The following PLAC9 variants were observed in gnomAD, a reference collection of about 807,000 sequenced individuals.
PLAC9 encodes placenta associated 9.
Under a neutral mutation model 11.5 loss-of-function variants are expected in PLAC9, and 12 were observed. The ratio of observed to expected loss-of-function variants is 1.05; its 90% confidence interval spans 0.67 to 1.69. The LOEUF is 1.69. PLAC9 is among the 40% of genes most tolerant of loss of function. PLAC9 has a pLI of 0.00. For synonymous variants in PLAC9, 62 were observed against 58.1 expected (o/e 1.07, Z -0.31); for missense variants, 132 against 130.5 (o/e 1.01, Z -0.06).
chr10:80,144,805 G>A (rs1845082900), intron 3 of PLAC9, 95 bp from the exon 4 acceptor site: 1 of 1,291,834 alleles, frequency 7.7e-7, no homozygotes, highest in Non-Finnish European at 1.0e-6. Context: ...GTTCCTGGGG[G>A]CCGGGGAGGG....
intron 1 of PLAC9, among the ~76,000 whole-genome samples, chr10:80,137,304 G>C (rs1844990293): frequency 6.6e-6 from 1 of 152,198 alleles, no homozygotes; most frequent in Admixed American, 6.5e-5. Flanking sequence ...GGCCAGTGGA[G>C]GGGAGCAGGC....
chr10:80,143,389 A>ATTTTTTT lies in PLAC9; in HGVS notation c.163-814_163-808dup, dbSNP rs560963413. On this transcript the variant is annotated intron_variant, in intron 2 of 3. Coordinates refer to ENST00000372263, the MANE Select transcript of PLAC9 (RefSeq NM_001012973.3). ...AAAAAGTTTAATTTTAAATACTTGA[A>ATTTTTTT]TTTTTTTTTTTTTTTTTTTTTTTTT... Among the ~76,000 whole-genome samples the ATTTTTTT allele has an allele frequency of 7.7e-3, 691 of 89,922 alleles. 93 individuals are homozygous for ATTTTTTT. The highest frequency in any genetic ancestry group is 0.033 in the African/African-American group (660 of 19,950). The allele number at this position is 89,922 out of a possible 152,430, so 59.0% of individuals were successfully genotyped here. A position where few individuals can be genotyped will look rare whatever the true frequency, so the allele number is the denominator to read the frequency against.
At position 80,144,219 on chromosome 10, in the gene PLAC9, CTAGATGG is replaced by C; in HGVS notation, c.164_170del (p.Met55ArgfsTer11). On this transcript the variant is annotated splice_acceptor_variant and splice_polypyrimidine_tract_variant and coding_sequence_variant and intron_variant, in exon 3 of 4. Transcript: ENST00000372263. LOFTEE classifies it high-confidence loss of function. ...CCTCGACTTTACCCCACTTCCCACT[CTAGATGG>C]TAGAGAAGACCGTGGATCACCTGGG... The C allele has an allele frequency of 1.1e-5, 18 of 1,614,064 alleles. No homozygotes were observed. Among genetic ancestry groups the C allele is most frequent in the Admixed American group, 1.7e-5 (1 of 60,002 alleles).
In PLAC9 at chr10:80,144,332, A is replaced by T. The variant is rs777510610; in HGVS notation, c.272A>T (p.Asp91Val). 7.5e-6 allele frequency: 12 copies of T among 1,603,568 alleles called. No homozygotes were observed. Among genetic ancestry groups the T allele is most frequent in the Non-Finnish European group, 1.0e-5 (12 of 1,178,192 alleles). ...CCGGGACCCTTCAGCCCCGCTCCCG[A>T]CCTTCTCGGAGGTGAGCAGTGCAGG... is the stretch of plus-strand genomic sequence containing the variant. ...LPPGPFSPAP[D>V]LLGDGF The change falls in exon 3 of 4, where the codon GAC becomes GTC. Residue 91 changes from aspartate (D) to valine (V), a missense_variant. Physicochemically the swap from Asp to Val is radical, Grantham distance 152. Coordinates refer to ENST00000372263, the MANE Select transcript of PLAC9 (RefSeq NM_001012973.3).
chr10:80,135,172 AC>A (rs1284289621), intron 1 of PLAC9, among the ~76,000 whole-genome samples: 1 of 151,804 alleles, frequency 6.6e-6, no homozygotes, highest in African/African-American at 2.4e-5. Flanking sequence ...GACGGCTGCA[AC>A]CATGCCCGGC....
At chr10:80,136,164 G>A (rs1458926441) in intron 1 of PLAC9, among the ~76,000 whole-genome samples, 2 of 152,210 alleles carry the variant, frequency 1.3e-5, no homozygotes, top group African/African-American at 4.8e-5. Context: ...GCCCTCCTCT[G>A]GGGCCTCCGG....
At chr10:80,135,090 G>T (rs1250534142) in intron 1 of PLAC9, among the ~76,000 whole-genome samples, 7 of 151,948 alleles carry the variant, frequency 4.6e-5, no homozygotes, top group African/African-American at 1.4e-4. Flanking sequence ...TGCGATCTCC[G>T]CTCACTGCAA....
In PLAC9 at chr10:80,132,782, C is replaced by A; in HGVS notation, c.20C>A (p.Ala7Glu). 6.7e-7 allele frequency: 1 copy of A among 1,496,964 alleles called. No homozygotes were observed. The highest frequency in any genetic ancestry group is 8.8e-7 in the Non-Finnish European group (1 of 1,130,978). 92.7% of individuals were successfully genotyped at this position (1,496,964 alleles called of 1,614,324 possible). A position where few individuals can be genotyped will look rare whatever the true frequency, so the allele number is the denominator to read the frequency against. Residue 7 changes from alanine (A) to glutamate (E), a missense_variant, in exon 1 of 4, where the codon GCG becomes GAG. Physicochemically the swap from Ala to Glu is moderately radical, Grantham distance 107. Coordinates refer to ENST00000372263, the MANE Select transcript of PLAC9 (RefSeq NM_001012973.3). ...GGCACCATGCGGCCCCTGCTCTGCG[C>A]GCTGACCGGACTGGCCCTGCTCCGC... is the stretch of plus-strand genomic sequence containing the variant. MRPLLC[A>E]LTGLALLRAA...
At chr10:80,136,910 C>T (rs1047446420) in intron 1 of PLAC9, among the ~76,000 whole-genome samples, 3 of 152,254 alleles carry the variant, frequency 2.0e-5, no homozygotes, top group Middle Eastern at 3.4e-3. Context: ...CCTACCCTAC[C>T]CCATTTTATG....
intron 1 of PLAC9, 93 bp downstream of exon 1, chr10:80,132,919 TG>T: frequency 4.4e-6 from 5 of 1,134,646 alleles, no homozygotes; most frequent in Non-Finnish European, 5.9e-6. Flanking sequence ...GAGAGAGAGC[TG>T]GACACAGCAG....
At chr10:80,135,229 A>G (rs550843522) in intron 1 of PLAC9, among the ~76,000 whole-genome samples, 2 of 150,950 alleles carry the variant, frequency 1.3e-5, no homozygotes, top group East Asian at 2.0e-4. Context: ...TCACTGTGTT[A>G]GCCAGGATGG....
chr10:80,135,718 G>T (rs1564588202), intron 1 of PLAC9, among the ~76,000 whole-genome samples: 1 of 152,008 alleles, frequency 6.6e-6, no homozygotes, highest in Non-Finnish European at 1.5e-5. Context: ...ACCACGCCCG[G>T]CCCATATTTT....
At chr10:80,132,277 G>C (rs1844920907), upstream of PLAC9, among the ~76,000 whole-genome samples, 1 of 152,106 alleles carries the variant, frequency 6.6e-6, no homozygotes, top group Non-Finnish European at 1.5e-5. Flanking sequence ...TTTCTTGTTC[G>C]TAGGTAGACA....
rs1844968920 is a variant in PLAC9, at chr10:80,135,788, AC to A, written c.64+2965del. On this transcript the variant is annotated intron_variant, in intron 1 of 3. Coordinates refer to ENST00000372263, the MANE Select transcript of PLAC9 (RefSeq NM_001012973.3). ...TCTGCTGCTTTCAAAAATGATCAAA[AC>A]CCGTGGATGGTTTTGAGTGAATCAT... 2.6e-5 allele frequency among the ~76,000 whole-genome samples: 4 copies of A among 151,980 alleles called. No homozygotes were observed. The South Asian group carries it at 8.3e-4, about 31-fold the overall frequency.
intron 1 of PLAC9, among the ~76,000 whole-genome samples, chr10:80,140,111 C>A (rs902690186): frequency 2.0e-5 from 3 of 152,132 alleles, no homozygotes; most frequent in African/African-American, 7.2e-5. Context: ...TGTGGTCCCA[C>A]CCCCTCTGGA....
At chr10:80,144,490 G>A (rs1366809056) in intron 3 of PLAC9, 147 bp downstream of exon 3, 11 of 1,205,546 alleles carry the variant, frequency 9.1e-6, no homozygotes, top group Non-Finnish European at 1.1e-5. Flanking sequence ...AAGCGGGACG[G>A]CATCATCCCT....
At chr10:80,131,914 ACACT>A (rs1686902758), upstream of PLAC9, 1 of 152,218 alleles carries the variant, frequency 6.6e-6, no homozygotes, top group South Asian at 2.1e-4. Flanking sequence ...GCCAGACGAG[ACACT>A]CACTCAGGGC....
intron 2 of PLAC9, among the ~76,000 whole-genome samples, chr10:80,143,893 T>C (rs1462528658): frequency 1.3e-5 from 2 of 152,110 alleles, no homozygotes; most frequent in East Asian, 1.9e-4. Flanking sequence ...TTGGCAGAGA[T>C]ACCACCAGGG....
chr10:80,132,734 G>A lies in PLAC9; in HGVS notation c.-29G>A. The A allele has an allele frequency of 6.9e-7, 1 of 1,446,326 alleles. No individual in the cohort carries two copies. Among genetic ancestry groups the A allele is most frequent in the South Asian group, 1.4e-5 (1 of 72,058 alleles). 89.6% of individuals were successfully genotyped at this position (1,446,326 alleles called of 1,614,324 possible). ...CCGGGAAGGGCGGCTGCGGGCAGACGCGGCGCTGCGCTCGGCCAGGCCGGC... is the reference window on the plus strand; with the variant it reads ...CCGGGAAGGGCGGCTGCGGGCAGACACGGCGCTGCGCTCGGCCAGGCCGGC... On this transcript the variant is annotated 5_prime_UTR_variant, in exon 1 of 4. Transcript: ENST00000372263.
Sources: gnomAD v4.1 joint callset for allele counts (sites outside exome capture counted in the v4.1 genomes callset) on GRCh38, gnomAD v4.1.1 for gene constraint, MANE v1.5 for transcripts, NCBI Gene and HGNC (gene_info 2026-07-23, HGNC 2026-07-21) for gene names.